SORCS2: variants seen among roughly 807,000 people sequenced by gnomAD.
The protein encoded by SORCS2 is VPS10 domain-containing receptor SorCS2.
A neutral mutation model predicts 141.6 loss-of-function variants in SORCS2; 100 were observed. The ratio of observed to expected loss-of-function variants is 0.71; its 90% confidence interval spans 0.60 to 0.83. The LOEUF is 0.83. Ranked by LOEUF, SORCS2 falls within the 40% of genes least tolerant of loss-of-function variation. SORCS2 has a pLI of 0.00. For synonymous variants in SORCS2, 789 were observed against 676.9 expected (o/e 1.17, Z -2.57); for missense variants, 1,646 against 1,560.2 (o/e 1.05, Z -0.93).
chr4:7,683,250 GC>G (rs1560480818), intron 10 of SORCS2, among the ~76,000 whole-genome samples: 4,212 of 88,400 alleles, frequency 0.048, 241 homozygotes, highest in African/African-American at 0.19. Context: ...CAGCTGAGCG[GC>G]TCTGCTGACC....
At chr4:7,576,061 G>A (rs1715729676) in intron 3 of SORCS2, among the ~76,000 whole-genome samples, 1 of 152,226 alleles carries the variant, frequency 6.6e-6, no homozygotes, top group African/African-American at 2.4e-5. Flanking sequence ...TCAGCAACTG[G>A]TGCACAGCTG....
chr4:7,262,389 TC>T (rs1714413748), intron 1 of SORCS2, among the ~76,000 whole-genome samples: 1 of 100,812 alleles, frequency 9.9e-6, no homozygotes, highest in East Asian at 2.2e-4. Context: ...CATCCATCCA[TC>T]CATCCATCCA....
chr4:7,689,710 T>A, intron 11 of SORCS2, 122 bp downstream of exon 11: 1 of 837,254 alleles, frequency 1.2e-6, no homozygotes, highest in Non-Finnish European at 1.8e-6. Context: ...TAGGAGGCAG[T>A]ACCACTGCAT....
chr4:7,370,261 A>G (rs1379822795), intron 1 of SORCS2, among the ~76,000 whole-genome samples: 1 of 152,184 alleles, frequency 6.6e-6, no homozygotes, highest in Non-Finnish European at 1.5e-5. Flanking sequence ...TCACAGCACC[A>G]AAAGGGCTGA....
intron 1 of SORCS2, among the ~76,000 whole-genome samples, chr4:7,224,362 T>G (rs1376866938): frequency 6.6e-6 from 1 of 152,198 alleles, no homozygotes; most frequent in African/African-American, 2.4e-5. Context: ...TTTAATAATT[T>G]GCGATGAGTG....
intron 1 of SORCS2, among the ~76,000 whole-genome samples, chr4:7,246,412 C>T (rs1713091787): frequency 6.6e-6 from 1 of 151,936 alleles, no homozygotes; most frequent in Non-Finnish European, 1.5e-5. Context: ...CTTAAATGAA[C>T]CCACACATCT....
In SORCS2 at chr4:7,682,872, C is replaced by T; in HGVS notation, c.1471C>T (p.Pro491Ser). 1.2e-6 allele frequency: 2 copies of T among 1,613,486 alleles called. No homozygotes were observed. The highest frequency in any genetic ancestry group is 1.7e-6 in the Non-Finnish European group (2 of 1,179,744). The change falls in exon 10 of 27, where the codon CCA becomes TCA. Residue 491 changes from proline to serine, a missense_variant. Coordinates refer to ENST00000507866, the MANE Select transcript of SORCS2 (RefSeq NM_020777.3). ...RPPSMDMNGK[P>S]TNCKPPDCHL... ...ACCCAGCATGGACATGAATGGAAAA[C>T]CAACCAACTGCAAGCCTGTAAGTAC...
intron 3 of SORCS2, among the ~76,000 whole-genome samples, chr4:7,600,297 G>C (rs1389720850): frequency 1.3e-5 from 2 of 152,098 alleles, no homozygotes; most frequent in Admixed American, 6.6e-5. Context: ...GTCCAAAATG[G>C]GTGTCACTGG....
intron 2 of SORCS2, among the ~76,000 whole-genome samples, chr4:7,443,740 T>C (rs970114608): frequency 1.3e-5 from 2 of 152,214 alleles, no homozygotes; most frequent in African/African-American, 4.8e-5. Flanking sequence ...CTCAGCACCT[T>C]GGCGTTAGAG....
At chr4:7,594,836 T>A (rs559068775) in intron 3 of SORCS2, among the ~76,000 whole-genome samples, 3 of 152,292 alleles carry the variant, frequency 2.0e-5, no homozygotes, top group South Asian at 4.2e-4. Flanking sequence ...TTTCCTCATC[T>A]GTAAACCAGC....
rs546311700 is a variant in SORCS2, at chr4:7,232,570, C to T, written c.480+39444C>T. On this transcript the variant is annotated intron_variant, in intron 1 of 26. Transcript: ENST00000507866. The stretch of plus-strand genomic sequence containing the variant: ...CGCTTTCCTGCCAAGCCTCGTGGTC[C>T]GTGACCTTTAGACTCCCGCTCAGCT... 1.1e-4 allele frequency among the ~76,000 whole-genome samples: 16 copies of T among 152,324 alleles called. No homozygotes were observed. In the East Asian group the frequency reaches 2.7e-3, roughly 26 times the overall value.
chr4:7,194,399 A>T (rs753416382), intron 1 of SORCS2, among the ~76,000 whole-genome samples: 10 of 151,916 alleles, frequency 6.6e-5, no homozygotes, highest in Non-Finnish European at 1.2e-4. Flanking sequence ...GTGCTGGAGG[A>T]GGGATGAGGT....
intron 1 of SORCS2, among the ~76,000 whole-genome samples, chr4:7,225,055 C>G (rs1349975053): frequency 1.3e-5 from 2 of 152,208 alleles, no homozygotes; most frequent in Admixed American, 6.5e-5. Flanking sequence ...AATATGTTGG[C>G]AGACTCCTAT....
intron 3 of SORCS2, among the ~76,000 whole-genome samples, chr4:7,600,360 G>A (rs929344841): frequency 6.6e-6 from 1 of 152,158 alleles, no homozygotes; most frequent in Admixed American, 6.5e-5. Flanking sequence ...CAGCGTGGAG[G>A]CTTCCCTCTA....
At chr4:7,272,770 G>T (rs951774940) in intron 1 of SORCS2, among the ~76,000 whole-genome samples, 1 of 152,264 alleles carries the variant, frequency 6.6e-6, no homozygotes, top group African/African-American at 2.4e-5. Flanking sequence ...ATCAGATCTC[G>T]CGCTTCAGGG....
At chr4:7,458,779 G>A (rs774254793) in intron 2 of SORCS2, among the ~76,000 whole-genome samples, 15 of 151,986 alleles carry the variant, frequency 9.9e-5, no homozygotes, top group Non-Finnish European at 1.8e-4. Context: ...AGGGGGTCCC[G>A]GGCACCATAG....
At chr4:7,318,911 T>C (rs2108939406) in intron 1 of SORCS2, among the ~76,000 whole-genome samples, 1 of 152,364 alleles carries the variant, frequency 6.6e-6, no homozygotes, top group South Asian at 2.1e-4. Context: ...TCTTAATCTC[T>C]GACAACTACC....
At chr4:7,340,293 A>G (rs1720290934) in intron 1 of SORCS2, among the ~76,000 whole-genome samples, 1 of 152,198 alleles carries the variant, frequency 6.6e-6, no homozygotes, top group South Asian at 2.1e-4. Flanking sequence ...TGGCCATGCC[A>G]TTGCACACAG....
At chr4:7,300,871 T>C (rs1354555353) in intron 1 of SORCS2, among the ~76,000 whole-genome samples, 1 of 152,200 alleles carries the variant, frequency 6.6e-6, no homozygotes, top group Non-Finnish European at 1.5e-5. Flanking sequence ...GAGCCATCTG[T>C]GTCTGGCCAC....
Sources: gnomAD v4.1 joint callset for allele counts (sites outside exome capture counted in the v4.1 genomes callset) on GRCh38, gnomAD v4.1.1 for gene constraint, MANE v1.5 for transcripts, NCBI Gene and HGNC (gene_info 2026-07-23, HGNC 2026-07-21) for gene names.